The following DENND6A variants were observed in gnomAD, a reference collection of about 807,000 sequenced individuals.
The protein encoded by DENND6A is protein DENND6A.
A neutral mutation model predicts 95.5 loss-of-function variants in DENND6A; 43 were observed. The observed-to-expected ratio is 0.45, with a 90% CI of 0.35 to 0.58. The LOEUF is 0.58. Among genes scored for constraint, DENND6A ranks in the 20% least tolerant of loss-of-function variants. DENND6A has a pLI of 0.00. For missense variants in DENND6A, 574 were observed against 736.0 expected, an observed-to-expected ratio of 0.78 and a Z score of 2.55; for synonymous variants, 257 against 260.4, an observed-to-expected ratio of 0.99 and a Z score of 0.13.
chr3:57,685,738 TAAA>T (rs889758920), intron 1 of DENND6A, among the ~76,000 whole-genome samples: 12 of 150,926 alleles, frequency 8.0e-5, no homozygotes, highest in African/African-American at 2.9e-4. Flanking sequence ...TCTTTTTTTT[TAAA>T]AAAAAATTTG....
At chr3:57,682,067 T>C (rs896619045) in intron 1 of DENND6A, among the ~76,000 whole-genome samples, 4 of 152,154 alleles carry the variant, frequency 2.6e-5, no homozygotes, top group African/African-American at 9.6e-5. Flanking sequence ...CTCTCTCCCA[T>C]TGAGCTTGAG....
chr3:57,657,082 C>T (rs917257969), intron 9 of DENND6A, among the ~76,000 whole-genome samples: 4 of 152,210 alleles, frequency 2.6e-5, no homozygotes, highest in South Asian at 2.1e-4. Context: ...TCAGAACTAC[C>T]TGGGGAACTA....
At chr3:57,658,293 T>C (rs889619778) in intron 8 of DENND6A, among the ~76,000 whole-genome samples, 1 of 150,870 alleles carries the variant, frequency 6.6e-6, no homozygotes, top group Non-Finnish European at 1.5e-5. Context: ...ACTTTGGGAA[T>C]CCAGGAAGGA....
chr3:57,645,997 AG>A (rs2071072370), intron 10 of DENND6A, among the ~76,000 whole-genome samples: 1 of 152,160 alleles, frequency 6.6e-6, no homozygotes. Context: ...ACTGTTCACT[AG>A]CTATGTGCCT....
intron 9 of DENND6A, among the ~76,000 whole-genome samples, chr3:57,652,154 T>C (rs2071223224): frequency 6.6e-6 from 1 of 152,256 alleles, no homozygotes. Flanking sequence ...ACTGGATTAC[T>C]GGTTTGATTG....
intron 18 of DENND6A, among the ~76,000 whole-genome samples, chr3:57,629,563 GCA>G (rs2070617150): frequency 7.0e-6 from 1 of 143,006 alleles, no homozygotes; most frequent in Admixed American, 7.3e-5. Flanking sequence ...CCAGGCTGGA[GCA>G]CAGTGGCGCG....
At chr3:57,648,023 G>A (rs1468616882) in intron 9 of DENND6A, among the ~76,000 whole-genome samples, 5 of 152,040 alleles carry the variant, frequency 3.3e-5, no homozygotes, top group African/African-American at 4.8e-5. Flanking sequence ...AGCAATCAGA[G>A]AAGAGAAAGA....
intron 12 of DENND6A, 122 bp downstream of exon 12, chr3:57,641,531 A>T (rs1387128710): frequency 1.5e-6 from 1 of 669,962 alleles, no homozygotes; most frequent in African/African-American, 1.9e-5. Flanking sequence ...AGGAAATTAT[A>T]CCCTTCTCCA....
chr3:57,628,070 A>C lies in DENND6A; in HGVS notation c.*144T>G. ...ATGCACTAAAAAGGTCTGTTTATACAATACAGTCTTTCTACCCTGTAACTA... is the reference window on the plus strand; with the variant it reads ...ATGCACTAAAAAGGTCTGTTTATACCATACAGTCTTTCTACCCTGTAACTA... On this transcript the variant is annotated 3_prime_UTR_variant, in exon 20 of 20. Coordinates refer to ENST00000311128, the MANE Select transcript of DENND6A (RefSeq NM_152678.3). 1 of 1,219,338 alleles carries C rather than the reference A, an allele frequency of 8.2e-7. No individual in the cohort carries two copies. The highest frequency in any genetic ancestry group is 1.1e-6 in the Non-Finnish European group (1 of 888,848). The allele number at this position is 1,219,338 out of a possible 1,614,324, so 75.5% of individuals were successfully genotyped here.
Position 57,655,786 on chromosome 3 carries a change from C to G in DENND6A, c.818+1894G>C, listed in dbSNP as rs562259851. On this transcript the variant is annotated intron_variant, in intron 9 of 19. Transcript: ENST00000311128. ...AAATCCAAAACACTTCTGATTCTGA[C>G]CATTTCAGATATGGGATATGCAAGA... 2.0e-5 allele frequency among the ~76,000 whole-genome samples: 3 copies of G among 152,188 alleles called. No homozygotes were observed. In the South Asian group the frequency reaches 6.2e-4, roughly 32 times the overall value.
chr3:57,675,642 C>T (rs2071696332), intron 1 of DENND6A, among the ~76,000 whole-genome samples: 1 of 152,202 alleles, frequency 6.6e-6, no homozygotes, highest in Non-Finnish European at 1.5e-5. Context: ...TGCCCCACAG[C>T]CCCTGCAAGG....
Position 57,680,478 on chromosome 3 carries a change from A to C in DENND6A, c.238-8040T>G, listed in dbSNP as rs114772567. 4.9e-3 allele frequency among the ~76,000 whole-genome samples: 749 copies of C among 152,292 alleles called. 5 individuals carry two copies. Among genetic ancestry groups the C allele is most frequent in the African/African-American group, 0.017 (711 of 41,564 alleles). ...CTCCACCATGCAAAGACACTGCCAG[A>C]AGGTGCCATCTATGAATCAGAAAGA... is the stretch of plus-strand genomic sequence containing the variant. On this transcript the variant is annotated intron_variant, in intron 1 of 19. Coordinates refer to ENST00000311128, the MANE Select transcript of DENND6A (RefSeq NM_152678.3).
intron 6 of DENND6A, 69 bp downstream of exon 6, chr3:57,661,377 C>G (rs1398478826): frequency 1.7e-6 from 2 of 1,169,982 alleles, no homozygotes; most frequent in Non-Finnish European, 2.3e-6. Flanking sequence ...TATAAATCAA[C>G]TTCATTTTTA....
chr3:57,655,516 T>A (rs2071306823), intron 9 of DENND6A, among the ~76,000 whole-genome samples: 1 of 152,190 alleles, frequency 6.6e-6, no homozygotes, highest in Non-Finnish European at 1.5e-5. Flanking sequence ...TCCAAAAGGT[T>A]TTGAGCATTG....
chr3:57,671,764 T>C (rs9873524), intron 3 of DENND6A, among the ~76,000 whole-genome samples: 125,080 of 152,084 alleles, frequency 0.82, 51,757 homozygotes, highest in East Asian at 1. Context: ...AACAGACCCT[T>C]GTATGTTTTT....
intron 1 of DENND6A, among the ~76,000 whole-genome samples, chr3:57,684,696 T>C (rs1197104928): frequency 6.6e-6 from 1 of 152,082 alleles, no homozygotes; most frequent in Admixed American, 6.5e-5. Flanking sequence ...GGTGAGAGAA[T>C]TGCTTGAGCC....
At chr3:57,651,436 T>C (rs981838834) in intron 9 of DENND6A, among the ~76,000 whole-genome samples, 9 of 152,268 alleles carry the variant, frequency 5.9e-5, no homozygotes, top group African/African-American at 9.6e-5. Context: ...TGTATGATTC[T>C]AGTTAAATGT....
At chr3:57,661,010 C>T (rs992010148) in intron 6 of DENND6A, among the ~76,000 whole-genome samples, 171 bp from the exon 7 acceptor site, 1 of 152,120 alleles carries the variant, frequency 6.6e-6, no homozygotes, top group African/African-American at 2.4e-5. Flanking sequence ...TTTTATATTT[C>T]ACTCAGAAAT....
chr3:57,626,876 A>G lies in DENND6A; in HGVS notation c.*1338T>C, dbSNP rs1389478191. 1 of 152,616 alleles carries G rather than the reference A, an allele frequency of 6.6e-6. No individual in the cohort carries two copies. Among genetic ancestry groups the G allele is most frequent in the Non-Finnish European group, 1.5e-5 (1 of 68,050 alleles). 9.5% of individuals were successfully genotyped at this position (152,616 alleles called of 1,614,324 possible). A position where few individuals can be genotyped will look rare whatever the true frequency, so the allele number is the denominator to read the frequency against. ...GCTAACCATGACAGTGACTCAGGCG[A>G]AAGTTCCCATGTCAAACAATAGTAG... On this transcript the variant is annotated 3_prime_UTR_variant, in exon 20 of 20. Transcript: ENST00000311128.
Sources: gnomAD v4.1 joint callset for allele counts (sites outside exome capture counted in the v4.1 genomes callset) on GRCh38, gnomAD v4.1.1 for gene constraint, MANE v1.5 for transcripts, NCBI Gene and HGNC (gene_info 2026-07-23, HGNC 2026-07-21) for gene names.